Variants in KDM7A observed in about 807,000 individuals in gnomAD.
KDM7A encodes lysine-specific demethylase 7A.
KDM7A carries 28 observed loss-of-function variants against 114.8 expected under a neutral mutation model. That is an observed-to-expected ratio of 0.24 (90% CI 0.18 to 0.33). The LOEUF is 0.33. KDM7A is among the 10% of genes least tolerant of loss of function. The pLI, the probability that KDM7A is intolerant of heterozygous loss-of-function variation, is 1.00. For synonymous variants in KDM7A, 423 were observed against 397.8 expected (o/e 1.06, Z -0.75); for missense variants, 942 against 1,142.5 (o/e 0.82, Z 2.53).
chr7:140,160,242 A>G (rs1482222783), intron 1 of KDM7A, among the ~76,000 whole-genome samples: 2 of 152,262 alleles, frequency 1.3e-5, no homozygotes, highest in African/African-American at 2.4e-5. Flanking sequence ...ACTGTGATAG[A>G]GGCCAATGAA....
chr7:140,162,996 CTTTT>C (rs531552532), intron 1 of KDM7A, among the ~76,000 whole-genome samples: 8 of 137,632 alleles, frequency 5.8e-5, no homozygotes, highest in Admixed American at 7.3e-5. Context: ...CTTTTCTTTC[CTTTT>C]TTTTTTTTTT....
chr7:140,150,180 C>T (rs1040507637), intron 1 of KDM7A, among the ~76,000 whole-genome samples: 1 of 152,162 alleles, frequency 6.6e-6, no homozygotes, highest in East Asian at 1.9e-4. Context: ...CTTTGACCAC[C>T]ACACAGGGTC....
At chr7:140,127,388 A>G in intron 5 of KDM7A, 54 bp downstream of exon 5, 1 of 1,443,898 alleles carries the variant, frequency 6.9e-7, no homozygotes. Flanking sequence ...ACATCATTAC[A>G]CTACATTTAG....
Position 140,096,746 on chromosome 7 carries a change from G to C in KDM7A, c.2183C>G (p.Thr728Arg), listed in dbSNP as rs767427432. 6.2e-7 allele frequency: 1 copy of C among 1,613,892 alleles called. No individual in the cohort carries two copies. The highest frequency in any genetic ancestry group is 1.3e-5 in the African/African-American group (1 of 74,908). ...IPIKRECPTS[T>R]STEEEAIQGM... ...CTGAATAGCTTCTTCCTCTGTGCTC[G>C]TCGAGGTAGGACATTCCCTAAAGAA... The change falls in exon 17 of 20, where the codon ACG becomes AGG. Residue 728 changes from threonine (T) to arginine (R), a missense_variant. Transcript: ENST00000397560.
rs369369490 is a variant in KDM7A, at chr7:140,174,628, G to A, written c.194+2116C>T. Among the ~76,000 whole-genome samples the A allele has an allele frequency of 2.6e-5, 4 of 152,170 alleles. No homozygotes were observed. In the East Asian group the frequency reaches 5.8e-4, roughly 22 times the overall value. Reference sequence around the variant, plus strand: ...CTTTTTTCTTTTTTTTTGAGACGGAGTCTCACTCTGTCGCCAGGCTGGAGT... The same window carrying A: ...CTTTTTTCTTTTTTTTTGAGACGGAATCTCACTCTGTCGCCAGGCTGGAGT... On this transcript the variant is annotated intron_variant, in intron 1 of 19. Transcript: ENST00000397560.
intron 10 of KDM7A, among the ~76,000 whole-genome samples, chr7:140,111,815 C>T (rs955833566): frequency 2.0e-5 from 3 of 151,866 alleles, no homozygotes; most frequent in African/African-American, 4.8e-5. Context: ...AAAACTAAGC[C>T]AGGCGTGGAA....
In KDM7A at chr7:140,085,022, TAC is replaced by T. The variant is rs1291862799; in HGVS notation, c.*6070_*6071del. 2 of 152,206 alleles carry T rather than the reference TAC, an allele frequency of 1.3e-5. No homozygotes were observed. Among genetic ancestry groups the T allele is most frequent in the Non-Finnish European group, 2.9e-5 (2 of 68,038 alleles). The allele number at this position is 152,206 out of a possible 1,614,324, so 9.4% of individuals were successfully genotyped here. On this transcript the variant is annotated 3_prime_UTR_variant, in exon 20 of 20. Transcript: ENST00000397560. ...TAAAACAGAAACAAAATAAATACTG[TAC>T]ACTTTCCCTGCCTGCAGGCAAAAGA...
chr7:140,105,888 G>C (rs1255555133), intron 11 of KDM7A, among the ~76,000 whole-genome samples: 2 of 152,176 alleles, frequency 1.3e-5, no homozygotes, highest in African/African-American at 2.4e-5. Context: ...TTGTACCTCT[G>C]GTAGAATTTG....
chr7:140,153,158 G>T (rs1223715675), intron 1 of KDM7A, among the ~76,000 whole-genome samples: 2 of 151,716 alleles, frequency 1.3e-5, no homozygotes, highest in African/African-American at 4.8e-5. Context: ...TCCACTAAAG[G>T]TCACGTGATC....
chr7:140,127,635 G>T, intron 4 of KDM7A, 52 bp from the exon 5 acceptor site: 1 of 1,441,068 alleles, frequency 6.9e-7, no homozygotes, highest in Non-Finnish European at 9.7e-7. Flanking sequence ...TACATCAGCA[G>T]ATGCTCTAAT....
rs1458245112 is a variant in KDM7A at position 140,168,147 on chromosome 7, C to CAA, written c.194+8596_194+8597insTT. ...ATCTAGAGAAAAAGGCACTCTCACA[C>CAA]TGTTGGTGGGAATGCAAACTGGTCC... On this transcript the variant is annotated intron_variant, in intron 1 of 19. Coordinates refer to ENST00000397560, the MANE Select transcript of KDM7A (RefSeq NM_030647.2). 2.0e-5 allele frequency among the ~76,000 whole-genome samples: 3 copies of CAA among 152,214 alleles called. No homozygotes were observed. The East Asian group carries it at 5.8e-4, about 29-fold the overall frequency.
intron 1 of KDM7A, among the ~76,000 whole-genome samples, chr7:140,166,989 T>C (rs1307525235): frequency 6.6e-6 from 1 of 151,744 alleles, no homozygotes; most frequent in Non-Finnish European, 1.5e-5. Context: ...AAACAAATGG[T>C]AAAGAAAATC....
intron 7 of KDM7A, among the ~76,000 whole-genome samples, chr7:140,120,770 G>GT (rs1447926394): frequency 1.3e-5 from 2 of 151,990 alleles, no homozygotes; most frequent in Admixed American, 6.6e-5. Flanking sequence ...TACTGTATTT[G>GT]TTTTTTTCTT....
intron 10 of KDM7A, among the ~76,000 whole-genome samples, chr7:140,111,500 G>A (rs1818431407): frequency 6.6e-6 from 1 of 152,170 alleles, no homozygotes; most frequent in South Asian, 2.1e-4. Context: ...TTCGTAAAGT[G>A]ACAAATTAAG....
intron 1 of KDM7A, among the ~76,000 whole-genome samples, chr7:140,153,801 A>G (rs1314733158): frequency 6.6e-6 from 1 of 152,124 alleles, no homozygotes; most frequent in Non-Finnish European, 1.5e-5. Context: ...TTATTACTCC[A>G]TTTATGCTCA....
At position 140,176,214 on chromosome 7, in the gene KDM7A, G is replaced by A. The variant is rs1189953088; in HGVS notation, c.194+530C>T. ...GAAGTTTGATAAAGACGGGGAAGGG[G>A]GCGCGACAGGGACCCGCGGCGCGGA... On this transcript the variant is annotated intron_variant, in intron 1 of 19. Coordinates refer to ENST00000397560, the MANE Select transcript of KDM7A (RefSeq NM_030647.2). This position sits in a 1 kb window ranked among gnomAD's most constrained non-coding sequence, Gnocchi z 4.4. Among the ~76,000 whole-genome samples the A allele has an allele frequency of 6.6e-6, 1 of 151,566 alleles. No individual in the cohort carries two copies. The highest frequency in any genetic ancestry group is 1.5e-5 in the Non-Finnish European group (1 of 67,794).
intron 1 of KDM7A, among the ~76,000 whole-genome samples, chr7:140,162,075 C>T (rs1794526016): frequency 6.6e-6 from 1 of 152,088 alleles, no homozygotes; most frequent in African/African-American, 2.4e-5. Flanking sequence ...GTGGCTCACA[C>T]CTGTAATCCC....
intron 9 of KDM7A, among the ~76,000 whole-genome samples, chr7:140,115,664 C>G (rs1187409917): frequency 6.6e-6 from 1 of 151,788 alleles, no homozygotes; most frequent in Non-Finnish European, 1.5e-5. Flanking sequence ...TGCAGAAGGC[C>G]GCAGGGTCCT....
intron 4 of KDM7A, 33 bp downstream of exon 4, chr7:140,129,460 T>C: frequency 6.4e-7 from 1 of 1,553,938 alleles, no homozygotes; most frequent in Non-Finnish European, 8.8e-7. Context: ...TTTACCATGT[T>C]TTCCCAGGTA....
Sources: allele counts gnomAD v4.1 joint callset (sites outside exome capture counted in the v4.1 genomes callset), GRCh38; gene constraint gnomAD v4.1.1; non-coding constraint Gnocchi (gnomAD v3.1); transcripts MANE v1.5; gene names NCBI Gene and HGNC (gene_info 2026-07-23, HGNC 2026-07-21).